HDAC7: variants seen among roughly 807,000 people sequenced by gnomAD.
HDAC7 encodes histone deacetylase 7A.
In HDAC7, 26 loss-of-function variants were observed where a neutral mutation model predicts 115.5. The ratio of observed to expected loss-of-function variants is 0.23; its 90% CI spans 0.16 to 0.31. The LOEUF (loss-of-function observed/expected upper bound fraction) is 0.31. HDAC7 is among the 10% of genes least tolerant of loss of function. The pLI is 1.00. For synonymous variants in HDAC7, 564 were observed against 550.9 expected (o/e 1.02, Z -0.33); for missense variants, 1,068 against 1,329.0 (o/e 0.80, Z 3.05).
In HDAC7 at chr12:47,797,325, A is replaced by G; in HGVS notation, c.577+59T>C. The G allele has an allele frequency of 2.7e-6, 2 of 750,814 alleles. No individual in the cohort carries two copies. Among genetic ancestry groups the G allele is most frequent in the South Asian group, 1.4e-5 (1 of 70,566 alleles). The allele number at this position is 750,814 out of a possible 1,614,324, so 46.5% of individuals were successfully genotyped here. A position where few individuals can be genotyped will look rare whatever the true frequency, so the allele number is the denominator to read the frequency against. Reference sequence around the variant, plus strand: ...GCCCACCCCTGCACACTCCTCCCCCATGTCCGAGGCCCTTCCCCCTTCCTT... The same window carrying G: ...GCCCACCCCTGCACACTCCTCCCCCGTGTCCGAGGCCCTTCCCCCTTCCTT... On this transcript the variant is annotated intron_variant, in intron 6 of 25. Transcript: ENST00000080059. The surrounding 1 kb of genome is among the most constrained non-coding windows in gnomAD (Gnocchi z 5.5).
At chr12:47,802,530 C>T (rs749196256) in intron 1 of HDAC7, 29 of 1,534,742 alleles carry the variant, frequency 1.9e-5, no homozygotes, top group Middle Eastern at 1.7e-4. Context: ...ACTCAGACTA[C>T]AGCAAGAACC....
intron 21 of HDAC7, 103 bp downstream of exon 21, chr12:47,787,609 T>TG: frequency 1.4e-6 from 1 of 725,316 alleles, no homozygotes; most frequent in Non-Finnish European, 2.3e-6. Context: ...TAGGAACTGG[T>TG]GGGGACAGGC....
chr12:47,793,520 C>T lies in HDAC7; in HGVS notation c.1527G>A (p.Leu509=), dbSNP rs1333516211. The part of the protein sequence containing the change: ...LPRGSTGDTV[L]LPLAQGGHRP... The stretch of plus-strand genomic sequence containing the variant: ...GGTGCCCACCCTGGGCCAGAGGAAG[C>T]AGCACAGTGTCCCCGGTGCTGCCCC... Residue 509 remains leucine, a synonymous_variant, in exon 13 of 26, where the codon CTG becomes CTA. Transcript: ENST00000080059. The surrounding 1 kb of genome is among the most constrained non-coding windows in gnomAD (Gnocchi z 4.5). 1.9e-6 allele frequency: 3 copies of T among 1,548,532 alleles called. No homozygotes were observed. The African/African-American group carries it at 4.1e-5, about 21-fold the overall frequency.
rs566754893 is a variant in HDAC7, at chr12:47,814,259, TG to T, written c.19+5507del. ...ATCCTCCCTTGAGCCCTGTCCTCTCTGGTCCCAACCCCAGCCTTCCTTTCTG... is the reference window on the plus strand; with the variant it reads ...ATCCTCCCTTGAGCCCTGTCCTCTCTGTCCCAACCCCAGCCTTCCTTTCTG... On this transcript the variant is annotated intron_variant, in intron 1 of 25. Coordinates refer to ENST00000080059, the MANE Select transcript of HDAC7 (RefSeq NM_015401.5). Among the ~76,000 whole-genome samples, 812 of 152,336 alleles carry T rather than the reference TG, an allele frequency of 5.3e-3. 9 individuals are homozygous for T. The highest frequency in any genetic ancestry group is 6.1e-3 in the Non-Finnish European group (418 of 68,012).
In HDAC7 at chr12:47,792,027, G is replaced by A. The variant is rs200341346; in HGVS notation, c.1679-23C>T. ...GCCCTGCAGGAGCAAGGGTCAGAGCGGGGACCCAGGGAGTCCTCACGCCCC... is the reference window on the plus strand; with the variant it reads ...GCCCTGCAGGAGCAAGGGTCAGAGCAGGGACCCAGGGAGTCCTCACGCCCC... On this transcript the variant is annotated intron_variant, in intron 13 of 25. Transcript: ENST00000080059. 1.2e-3 allele frequency: 1,949 copies of A among 1,584,382 alleles called. 18 individuals are homozygous for A. The African/African-American group carries it at 0.019, about 15-fold the overall frequency.
At chr12:47,813,246 GT>G (rs376273714) in intron 1 of HDAC7, 7 of 150,858 alleles carry the variant, frequency 4.6e-5, no homozygotes, top group African/African-American at 1.7e-4. Context: ...TCTGAGAGCA[GT>G]TCTATAACCT....
chr12:47,806,672 G>A (rs982392919), intron 1 of HDAC7, among the ~76,000 whole-genome samples: 3 of 152,106 alleles, frequency 2.0e-5, no homozygotes, highest in Non-Finnish European at 4.4e-5. Flanking sequence ...CTGGGCGACA[G>A]AGCAAGACTC....
intron 1 of HDAC7, among the ~76,000 whole-genome samples, chr12:47,805,011 C>T (rs1319596635): frequency 6.6e-6 from 1 of 152,026 alleles, no homozygotes; most frequent in African/African-American, 2.4e-5. Context: ...GGACAAAAGG[C>T]TTCCCCAGGA....
chr12:47,795,738 A>G lies in HDAC7; in HGVS notation c.936T>C (p.Thr312=). ...CCAGGATTGGCCCCCGAGGGCCCAGAGTCGGATGGGTCCTGCGGTCACTGT... is the reference window on the plus strand; with the variant it reads ...CCAGGATTGGCCCCCGAGGGCCCAGGGTCGGATGGGTCCTGCGGTCACTGT... ...RADSDRRTHP[T]LGPRGPILGS... Residue 312 remains threonine, a synonymous_variant, in exon 10 of 26, where the codon ACT becomes ACC. Coordinates refer to ENST00000080059, the MANE Select transcript of HDAC7 (RefSeq NM_015401.5). This position sits in a 1 kb window ranked among gnomAD's most constrained non-coding sequence, Gnocchi z 4.3. 6.5e-7 allele frequency: 1 copy of G among 1,543,554 alleles called. No individual in the cohort carries two copies. The highest frequency in any genetic ancestry group is 8.7e-7 in the Non-Finnish European group (1 of 1,143,386).
chr12:47,790,122 C>A lies in HDAC7; in HGVS notation c.1984-202G>T, dbSNP rs186790755. ...GCATGACTTTTTCCCAGCTTAAGTC[C>A]CAGCACCAGCCCATTATCTGGCCAG... On this transcript the variant is annotated intron_variant, in intron 16 of 25. Coordinates refer to ENST00000080059, the MANE Select transcript of HDAC7 (RefSeq NM_015401.5). The A allele has an allele frequency of 2.3e-3, 1,373 of 586,060 alleles. 32 individuals carry two copies. The Admixed American group carries it at 0.039, about 16-fold the overall frequency. 36.3% of individuals were successfully genotyped at this position (586,060 alleles called of 1,614,324 possible).
intron 1 of HDAC7, chr12:47,819,102 T>C (rs985822677): frequency 1.3e-5 from 2 of 152,542 alleles, no homozygotes; most frequent in African/African-American, 2.4e-5. Flanking sequence ...GCTGCCGGCA[T>C]TGACCTCCAC....
At chr12:47,799,462 A>C (rs563306988) in intron 2 of HDAC7, among the ~76,000 whole-genome samples, 2 of 152,320 alleles carry the variant, frequency 1.3e-5, no homozygotes, top group South Asian at 4.1e-4. Context: ...CTCCAGCCCC[A>C]AGCCTCACAG....
rs530919048 is a variant in HDAC7 at position 47,782,789 on chromosome 12, C to G, written c.*1052G>C. The G allele has an allele frequency of 5.2e-5, 8 of 152,966 alleles. No homozygotes were observed. The highest frequency in any genetic ancestry group is 1.2e-4 in the Non-Finnish European group (8 of 68,036). 9.5% of individuals were successfully genotyped at this position (152,966 alleles called of 1,614,324 possible). A position where few individuals can be genotyped will look rare whatever the true frequency, so the allele number is the denominator to read the frequency against. On this transcript the variant is annotated 3_prime_UTR_variant, in exon 26 of 26. Transcript: ENST00000080059. ...TTTTCTTCCTTTTTACAAAAACATG[C>G]ATACATACACAGGGTATGGTGGGTC... is the stretch of plus-strand genomic sequence containing the variant.
chr12:47,795,401 G>A lies in HDAC7; in HGVS notation c.1088-21C>T. ...GGGCACTGGAAAGAATCGGGGGGTG[G>A]AATAAGGAGGGAACCACAGGGAGCA... is the stretch of plus-strand genomic sequence containing the variant. On this transcript the variant is annotated intron_variant, in intron 10 of 25. Transcript: ENST00000080059. The surrounding 1 kb of genome is among the most constrained non-coding windows in gnomAD (Gnocchi z 4.3). 6.4e-7 allele frequency: 1 copy of A among 1,559,754 alleles called. No individual in the cohort carries two copies. Among genetic ancestry groups the A allele is most frequent in the Non-Finnish European group, 8.7e-7 (1 of 1,149,932 alleles).
Position 47,798,779 on chromosome 12 carries a change from C to CT in HDAC7, c.258+5dup. The CT allele has an allele frequency of 1.9e-6, 3 of 1,555,386 alleles. No individual in the cohort carries two copies. Among genetic ancestry groups the CT allele is most frequent in the Non-Finnish European group, 2.6e-6 (3 of 1,148,966 alleles). The stretch of plus-strand genomic sequence containing the variant: ...TGGCCCCACATGCAGGGAGCTCCAT[C>CT]TTTACCCTCATGGGCTCCACCGAGC... On this transcript the variant is annotated splice_donor_region_variant and intron_variant, in intron 3 of 25. Coordinates refer to ENST00000080059, the MANE Select transcript of HDAC7 (RefSeq NM_015401.5). This position sits in a 1 kb window ranked among gnomAD's most constrained non-coding sequence, Gnocchi z 4.3.
In HDAC7 at chr12:47,793,665, C is replaced by G. The variant is rs1408206253; in HGVS notation, c.1459-77G>C. 4.6e-5 allele frequency: 54 copies of G among 1,161,850 alleles called. No individual in the cohort carries two copies. The South Asian group carries it at 7.7e-4, about 17-fold the overall frequency. 72.0% of individuals were successfully genotyped at this position (1,161,850 alleles called of 1,614,324 possible). On this transcript the variant is annotated intron_variant, in intron 12 of 25. Transcript: ENST00000080059. This position sits in a 1 kb window ranked among gnomAD's most constrained non-coding sequence, Gnocchi z 4.5. ...CTACTTCTGCCTGAGGTCTTGGGAA[C>G]TGCCAAGCAGGCCCCTTTCCTAGAG...
intron 21 of HDAC7, 40 bp from the exon 22 acceptor site, chr12:47,786,743 G>T: frequency 6.5e-7 from 1 of 1,531,924 alleles, no homozygotes; most frequent in Non-Finnish European, 9.0e-7. Flanking sequence ...GTACTGTGCA[G>T]GGTTGCCAGG....
chr12:47,786,402 T>G (rs959174420), intron 22 of HDAC7, among the ~76,000 whole-genome samples, 183 bp downstream of exon 22: 1 of 152,202 alleles, frequency 6.6e-6, no homozygotes, highest in Non-Finnish European at 1.5e-5. Flanking sequence ...AGAAAGGGCT[T>G]GGGCTGTGCT....
At chr12:47,789,746 G>T in intron 17 of HDAC7, 67 bp downstream of exon 17, 2 of 1,408,262 alleles carry the variant, frequency 1.4e-6, no homozygotes, top group South Asian at 1.1e-5. Context: ...TTCTGGGCCT[G>T]GATTCCCCAC....
Sources: gnomAD v4.1 joint callset for allele counts (sites outside exome capture counted in the v4.1 genomes callset) on GRCh38, gnomAD v4.1.1 for gene constraint, Gnocchi (gnomAD v3.1) non-coding constraint, MANE v1.5 for transcripts, NCBI Gene and HGNC (gene_info 2026-07-23, HGNC 2026-07-21) for gene names.